The following RBFA variants were observed in gnomAD, a reference collection of about 807,000 sequenced individuals.
The protein encoded by RBFA is putative ribosome-binding factor A, mitochondrial.
In RBFA, 16 loss-of-function variants were observed where a neutral mutation model predicts 27.9. The observed-to-expected ratio is 0.57, with a 90% CI of 0.39 to 0.87. The LOEUF is 0.87. Among genes scored for constraint, RBFA ranks in the 40% least tolerant of loss-of-function variants. RBFA has a pLI of 0.00. For synonymous variants in RBFA, 181 were observed against 181.0 expected (o/e 1.00, Z 0.00); for missense variants, 456 against 432.1 (o/e 1.06, Z -0.49).
At chr18:80,042,088 TG>T (rs776775762) in intron 4 of RBFA, 46 bp from the exon 5 acceptor site, 7 of 1,426,160 alleles carry the variant, frequency 4.9e-6, no homozygotes, top group Non-Finnish European at 6.8e-6. Flanking sequence ...GCCTCTCCAC[TG>T]AGTGTCACGG....
chr18:80,034,709 C>T (rs948769137), intron 1 of RBFA, 56 bp downstream of exon 1: 1 of 1,584,520 alleles, frequency 6.3e-7, no homozygotes, highest in Non-Finnish European at 8.6e-7. Context: ...GGCGGTGTCC[C>T]CGGGTTGCGG....
intron 5 of RBFA, among the ~76,000 whole-genome samples, chr18:80,042,458 A>G (rs1432969821): frequency 6.6e-6 from 1 of 152,104 alleles, no homozygotes; most frequent in Non-Finnish European, 1.5e-5. Context: ...TTAAATCCTG[A>G]AAAGATAATG....
At chr18:80,044,371 C>T in intron 6 of RBFA, 86 bp downstream of exon 6, 1 of 1,199,756 alleles carries the variant, frequency 8.3e-7, no homozygotes, top group Non-Finnish European at 1.2e-6. Context: ...TGCCCAGCGC[C>T]ACATCCCGAG....
In RBFA at chr18:80,046,081, A is replaced by C. The variant is rs747811672; in HGVS notation, c.958A>C (p.Thr320Pro). Reference sequence around the variant, plus strand: ...GGAGTACGAATGCTATGCCCCGGACACAGAGGAGTTGGAGGCAGAGAGAGG... The same window carrying C: ...GGAGTACGAATGCTATGCCCCGGACCCAGAGGAGTTGGAGGCAGAGAGAGG... Reference protein sequence around the residue: ...APEYECYAPDTEELEAERGGG... With the variant: ...APEYECYAPDPEELEAERGGG... The change falls in exon 7 of 7, where the codon ACA (threonine) becomes CCA (proline). Residue 320 changes from threonine to proline, a missense_variant. By Grantham distance (38) the Thr-to-Pro change is conservative (BLOSUM62 -1). Coordinates refer to ENST00000306735, the MANE Select transcript of RBFA (RefSeq NM_024805.3). The C allele has an allele frequency of 3.1e-6, 5 of 1,614,166 alleles. No homozygotes were observed. Among genetic ancestry groups the C allele is most frequent in the Non-Finnish European group, 4.2e-6 (5 of 1,180,024 alleles).
At chr18:80,041,039 G>C (rs1007433031) in intron 4 of RBFA, among the ~76,000 whole-genome samples, 1 of 152,178 alleles carries the variant, frequency 6.6e-6, no homozygotes, top group African/African-American at 2.4e-5. Flanking sequence ...CCCATGTTTA[G>C]GGTGGGGACA....
chr18:80,039,111 T>C (rs1042326096), intron 4 of RBFA, among the ~76,000 whole-genome samples: 2 of 152,206 alleles, frequency 1.3e-5, no homozygotes, highest in Non-Finnish European at 1.5e-5. Flanking sequence ...GGCCAGGAGT[T>C]CAGGACCAGT....
Position 80,046,184 on chromosome 18 carries a change from G to A in RBFA, c.*29G>A. The A allele has an allele frequency of 6.2e-7, 1 of 1,601,350 alleles. No homozygotes were observed. The highest frequency in any genetic ancestry group is 1.3e-5 in the African/African-American group (1 of 74,802). On this transcript the variant is annotated 3_prime_UTR_variant, in exon 7 of 7. Transcript: ENST00000306735. ...GAGAGGCTCTGCCCATCCCACATTTGCAGGGAAAAGCATTGGCACGCAACG... is the reference window on the plus strand; with the variant it reads ...GAGAGGCTCTGCCCATCCCACATTTACAGGGAAAAGCATTGGCACGCAACG...
At chr18:80,040,676 G>A (rs539965266) in intron 4 of RBFA, among the ~76,000 whole-genome samples, 7 of 152,160 alleles carry the variant, frequency 4.6e-5, no homozygotes, top group African/African-American at 9.6e-5. Context: ...TTGATTTTGT[G>A]GGGGGGAGTG....
At position 80,034,562 on chromosome 18, in the gene RBFA, G is replaced by C; in HGVS notation, c.67G>C (p.Asp23His). ...AGLRALFRSR[D>H]AALFPGCERG... ...TCTCCGGGCCCTGTTCCGTAGCCGCGATGCTGCGCTATTTCCAGGCTGCGA... is the reference window on the plus strand; with the variant it reads ...TCTCCGGGCCCTGTTCCGTAGCCGCCATGCTGCGCTATTTCCAGGCTGCGA... Residue 23 changes from aspartate (D) to histidine (H), a missense_variant, in exon 1 of 7, where the codon GAT becomes CAT. Transcript: ENST00000306735. 1 of 1,608,712 alleles carries C rather than the reference G, an allele frequency of 6.2e-7. No homozygotes were observed. Among genetic ancestry groups the C allele is most frequent in the Non-Finnish European group, 8.5e-7 (1 of 1,178,928 alleles).
chr18:80,042,177 G>A lies in RBFA; in HGVS notation c.534G>A (p.Pro178=), dbSNP rs745502937. The change falls in exon 5 of 7, where the codon CCG becomes CCA. Residue 178 remains proline, a synonymous_variant. Transcript: ENST00000306735. ...MSQQTLRNVP[P]IVFVQDKGNA... The stretch of plus-strand genomic sequence containing the variant: ...AGCAGACCCTGAGGAATGTGCCACC[G>A]ATAGTGTTTGTTCAAGACAAGGGAA... 9.9e-6 allele frequency: 16 copies of A among 1,611,088 alleles called. No homozygotes were observed. The highest frequency in any genetic ancestry group is 4.0e-5 in the African/African-American group (3 of 74,838).
rs111817779 is a variant in RBFA at position 80,042,015 on chromosome 18, C to T, written c.492-120C>T. 35 of 550,262 alleles carry T rather than the reference C, an allele frequency of 6.4e-5. 2 individuals are homozygous for T. The highest frequency in any genetic ancestry group is 2.0e-4 in the African/African-American group (10 of 50,980). 34.1% of individuals were successfully genotyped at this position (550,262 alleles called of 1,614,324 possible). ...TGCTGGGATTACAGGCGTGAGCCACCGCGCCCGGCCTCTCACTCCTGCCTC... is the reference window on the plus strand; with the variant it reads ...TGCTGGGATTACAGGCGTGAGCCACTGCGCCCGGCCTCTCACTCCTGCCTC... On this transcript the variant is annotated intron_variant, in intron 4 of 6. Coordinates refer to ENST00000306735, the MANE Select transcript of RBFA (RefSeq NM_024805.3).
chr18:80,045,363 A>T (rs193036683), intron 6 of RBFA, among the ~76,000 whole-genome samples: 1 of 151,276 alleles, frequency 6.6e-6, no homozygotes, highest in Non-Finnish European at 1.5e-5. Flanking sequence ...CGTAGCTGGG[A>T]TTACAGGCGA....
intron 2 of RBFA, 37 bp downstream of exon 2, chr18:80,036,747 G>A: frequency 1.3e-6 from 2 of 1,521,794 alleles, no homozygotes; most frequent in Non-Finnish European, 1.8e-6. Flanking sequence ...TAATCTTGAT[G>A]GGAGTGAGGG....
intron 4 of RBFA, among the ~76,000 whole-genome samples, chr18:80,040,239 A>ATTTTTTTTTTTTTTT (rs71338083): frequency 1.2e-3 from 108 of 91,404 alleles, no homozygotes; most frequent in Non-Finnish European, 1.7e-3. Context: ...GGAGGCCTGA[A>ATTTTTTTTTTTTTTT]TTTTTTTTTT....
At chr18:80,041,878 C>T (rs530939142) in intron 4 of RBFA, 32 of 185,238 alleles carry the variant, frequency 1.7e-4, no homozygotes, top group African/African-American at 6.3e-4. Context: ...AGGTGCCTGC[C>T]GCCACGCCTG....
At chr18:80,034,767 T>C in intron 1 of RBFA, 114 bp downstream of exon 1, 2 of 1,347,166 alleles carry the variant, frequency 1.5e-6, no homozygotes, top group Non-Finnish European at 2.0e-6. Context: ...GCTCGCCAGT[T>C]CCTGCCTCCT....
chr18:80,043,818 G>A (rs184106211), intron 5 of RBFA, among the ~76,000 whole-genome samples: 5 of 152,250 alleles, frequency 3.3e-5, no homozygotes, highest in Admixed American at 6.5e-5. Context: ...ACCTTGTCTT[G>A]TTGGGAGGCT....
rs2051981667 is a variant in RBFA, at chr18:80,036,728, G to A, written c.201+18G>A. ...CTCACTCGGTGAGTATAAGCCATGA[G>A]CCACTTTATAATCTTGATGGGAGTG... is the stretch of plus-strand genomic sequence containing the variant. On this transcript the variant is annotated intron_variant, in intron 2 of 6. Coordinates refer to ENST00000306735, the MANE Select transcript of RBFA (RefSeq NM_024805.3). 1.9e-6 allele frequency: 3 copies of A among 1,597,738 alleles called. No individual in the cohort carries two copies. The highest frequency in any genetic ancestry group is 2.2e-5 in the South Asian group (2 of 89,316).
rs976790569 is a variant in RBFA, at chr18:80,046,076, C to T, written c.953C>T (p.Pro318Leu). The T allele has an allele frequency of 1.1e-5, 17 of 1,613,968 alleles. No individual in the cohort carries two copies. The highest frequency in any genetic ancestry group is 1.6e-4 in the Middle Eastern group (1 of 6,084). ...VGAPEYECYA[P>L]DTEELEAERG... ...GCCCCGGAGTACGAATGCTATGCCC[C>T]GGACACAGAGGAGTTGGAGGCAGAG... The change falls in exon 7 of 7, where the codon CCG (proline) becomes CTG (leucine). Residue 318 changes from proline (P) to leucine (L), a missense_variant. Transcript: ENST00000306735.
Sources: allele counts gnomAD v4.1 joint callset (sites outside exome capture counted in the v4.1 genomes callset), GRCh38; gene constraint gnomAD v4.1.1; transcripts MANE v1.5; gene names NCBI Gene and HGNC (gene_info 2026-07-23, HGNC 2026-07-21).